Variants in PDE7A observed in about 807,000 individuals in gnomAD.
PDE7A encodes the protein phosphodiesterase 7A.
Under a neutral mutation model 64.3 loss-of-function variants are expected in PDE7A, and 39 were observed. The observed-to-expected ratio is 0.61, with a 90% CI of 0.47 to 0.79. The LOEUF is 0.79. PDE7A is among the 30% of genes least tolerant of loss of function. The probability of loss-of-function intolerance (pLI) is 0.00; values close to 1 mark genes in which losing one functional copy is unlikely to be tolerated. For synonymous variants in PDE7A, 203 were observed against 206.8 expected (o/e 0.98, Z 0.16); for missense variants, 470 against 582.8 (o/e 0.81, Z 1.99).
chr8:65,829,145 T>C (rs893697730), intron 1 of PDE7A, among the ~76,000 whole-genome samples: 2 of 152,140 alleles, frequency 1.3e-5, no homozygotes, highest in African/African-American at 4.8e-5. Context: ...ATTTCATACA[T>C]AACAGTGCTA....
rs1352970420 is a variant in PDE7A, at chr8:65,719,499, G to A, written c.1244-4C>T. The A allele has an allele frequency of 6.3e-7, 1 of 1,575,000 alleles. No individual in the cohort carries two copies. The highest frequency in any genetic ancestry group is 8.7e-7 in the Non-Finnish European group (1 of 1,144,736). ...TCCACTAGGTAAGTCATAAAACCTTGAGAAAATAGGAGAAAAAGTTATTAA... is the reference window on the plus strand; with the variant it reads ...TCCACTAGGTAAGTCATAAAACCTTAAGAAAATAGGAGAAAAAGTTATTAA... On this transcript the variant is annotated splice_region_variant and splice_polypyrimidine_tract_variant and intron_variant, in intron 12 of 12. Coordinates refer to ENST00000401827, the MANE Select transcript of PDE7A (RefSeq NM_001242318.3).
intron 1 of PDE7A, among the ~76,000 whole-genome samples, chr8:65,807,052 C>A (rs902933791): frequency 6.6e-6 from 1 of 152,126 alleles, no homozygotes; most frequent in African/African-American, 2.4e-5. Context: ...TTTTTCAAAT[C>A]ACTTTGTCAA....
intron 3 of PDE7A, among the ~76,000 whole-genome samples, chr8:65,755,237 T>G (rs554641503): frequency 3.3e-5 from 5 of 152,058 alleles, no homozygotes; most frequent in Non-Finnish European, 7.4e-5. Flanking sequence ...GCCCAGCTGG[T>G]CTTGAACTCC....
In PDE7A at chr8:65,723,588, C is replaced by G. The variant is rs1484014895; in HGVS notation, c.1196G>C (p.Ser399Thr). 2 of 1,581,152 alleles carry G rather than the reference C, an allele frequency of 1.3e-6. No individual in the cohort carries two copies. Among genetic ancestry groups the G allele is most frequent in the African/African-American group, 2.7e-5 (2 of 73,328 alleles). The change falls in exon 12 of 13, where the codon AGT becomes ACT. Residue 399 changes from serine (S) to threonine (T), a missense_variant. Coordinates refer to ENST00000401827, the MANE Select transcript of PDE7A (RefSeq NM_001242318.3). The stretch of plus-strand genomic sequence containing the variant: ...TTCAGTGTGACGATCGCAAAGTGGA[C>G]TCACACCCAAATGATATTTTTTTTC... ...DIEKKYHLGV[S>T]PLCDRHTESI...
intron 9 of PDE7A, 88 bp downstream of exon 9, chr8:65,726,787 A>C (rs1806630466): frequency 5.6e-6 from 4 of 714,484 alleles, no homozygotes; most frequent in Non-Finnish European, 9.9e-6. Context: ...ACACCTGAAC[A>C]TAACAATTTT....
At chr8:65,775,871 C>G (rs1271052342) in intron 3 of PDE7A, among the ~76,000 whole-genome samples, 1 of 152,142 alleles carries the variant, frequency 6.6e-6, no homozygotes, top group Admixed American at 6.5e-5. Context: ...TCAGGTGATC[C>G]ACCTGCCTCG....
intron 1 of PDE7A, among the ~76,000 whole-genome samples, chr8:65,832,914 T>C (rs1459342001): frequency 6.6e-6 from 1 of 152,188 alleles, no homozygotes; most frequent in African/African-American, 2.4e-5. Flanking sequence ...TTTTCCCATG[T>C]GGCAAAAGGA....
In PDE7A at chr8:65,760,929, G is replaced by A. The variant is rs181856943; in HGVS notation, c.284-13126C>T. On this transcript the variant is annotated intron_variant, in intron 3 of 12. Coordinates refer to ENST00000401827, the MANE Select transcript of PDE7A (RefSeq NM_001242318.3). The stretch of plus-strand genomic sequence containing the variant: ...ATTAACATCATTTAGGAATACAGGA[G>A]AGAGGATACATGAGGAACTGGGAAC... 3.0e-3 allele frequency among the ~76,000 whole-genome samples: 270 copies of A among 89,502 alleles called. 1 individual carries two copies. Among genetic ancestry groups the A allele is most frequent in the African/African-American group, 0.01 (261 of 25,358 alleles). The allele number at this position is 89,502 out of a possible 152,430, so 58.7% of individuals were successfully genotyped here. A position where few individuals can be genotyped will look rare whatever the true frequency, so the allele number is the denominator to read the frequency against.
At chr8:65,729,561 C>T (rs573103667) in intron 7 of PDE7A, among the ~76,000 whole-genome samples, 2 of 151,998 alleles carry the variant, frequency 1.3e-5, no homozygotes, top group African/African-American at 4.8e-5. Flanking sequence ...GATGCTACCT[C>T]TGAAAACAGA....
At chr8:65,818,365 T>A (rs1460202671) in intron 1 of PDE7A, among the ~76,000 whole-genome samples, 1 of 152,222 alleles carries the variant, frequency 6.6e-6, no homozygotes, top group Non-Finnish European at 1.5e-5. Context: ...TTTTTTTGTT[T>A]AGCATCATGA....
intron 3 of PDE7A, among the ~76,000 whole-genome samples, chr8:65,748,300 ATAAT>A (rs1363752655): frequency 6.6e-6 from 1 of 152,168 alleles, no homozygotes; most frequent in Non-Finnish European, 1.5e-5. Flanking sequence ...TTTACTTAAG[ATAAT>A]TAAGAAGAAA....
At chr8:65,752,626 A>C (rs897910459) in intron 3 of PDE7A, among the ~76,000 whole-genome samples, 2 of 152,142 alleles carry the variant, frequency 1.3e-5, no homozygotes, top group African/African-American at 4.8e-5. Context: ...GATATATCTC[A>C]TTGTTAACCA....
intron 6 of PDE7A, among the ~76,000 whole-genome samples, chr8:65,738,776 C>A (rs1233798360): frequency 2.0e-5 from 3 of 152,164 alleles, no homozygotes; most frequent in Non-Finnish European, 4.4e-5. Flanking sequence ...TTCTAGGGGT[C>A]AGAAAAAGAA....
At chr8:65,810,043 C>A (rs1333465018) in intron 1 of PDE7A, among the ~76,000 whole-genome samples, 2 of 152,176 alleles carry the variant, frequency 1.3e-5, no homozygotes, top group Non-Finnish European at 2.9e-5. Flanking sequence ...AAGACACATG[C>A]ACACATATGT....
At chr8:65,792,822 T>C (rs1389086392) in intron 1 of PDE7A, among the ~76,000 whole-genome samples, 1 of 152,164 alleles carries the variant, frequency 6.6e-6, no homozygotes, top group East Asian at 1.9e-4. Context: ...TTAAGTGACA[T>C]GAAACTAAGA....
chr8:65,743,407 G>A (rs930701498), intron 5 of PDE7A, among the ~76,000 whole-genome samples: 7 of 152,156 alleles, frequency 4.6e-5, no homozygotes, highest in Non-Finnish European at 8.8e-5. Flanking sequence ...ATCACCAAGG[G>A]CAAAGGAAAA....
chr8:65,752,386 C>T (rs1808009635), intron 3 of PDE7A, among the ~76,000 whole-genome samples: 1 of 152,148 alleles, frequency 6.6e-6, no homozygotes, highest in South Asian at 2.1e-4. Flanking sequence ...ATATTTCACT[C>T]ATAATATATT....
At position 65,723,225 on chromosome 8, in the gene PDE7A, C is replaced by T. The variant is rs561068151; in HGVS notation, c.1243+316G>A. On this transcript the variant is annotated intron_variant, in intron 12 of 12. Coordinates refer to ENST00000401827, the MANE Select transcript of PDE7A (RefSeq NM_001242318.3). Reference sequence around the variant, plus strand: ...TTTATTTTTGTCATTTCTTTGTTTACCTATCCTTTTTTAAATGGCAGTCCC... The same window carrying T: ...TTTATTTTTGTCATTTCTTTGTTTATCTATCCTTTTTTAAATGGCAGTCCC... 2.6e-3 allele frequency: 429 copies of T among 166,368 alleles called. 1 individual carries two copies. Among genetic ancestry groups the T allele is most frequent in the African/African-American group, 9.4e-3 (394 of 42,054 alleles). The allele number at this position is 166,368 out of a possible 1,614,324, so 10.3% of individuals were successfully genotyped here.
chr8:65,808,752 C>A (rs1350327328), intron 1 of PDE7A, among the ~76,000 whole-genome samples: 2 of 152,152 alleles, frequency 1.3e-5, no homozygotes, highest in African/African-American at 4.8e-5. Context: ...TCCGTGAGCA[C>A]AAGAAGACAC....
Sources: gnomAD v4.1 joint callset for allele counts (sites outside exome capture counted in the v4.1 genomes callset) on GRCh38, gnomAD v4.1.1 for gene constraint, MANE v1.5 for transcripts, NCBI Gene and HGNC (gene_info 2026-07-23, HGNC 2026-07-21) for gene names.